SLC15A3: variants seen among roughly 807,000 people sequenced by gnomAD.
SLC15A3 encodes the protein solute carrier family 15 member 3.
SLC15A3 carries 39 observed loss-of-function variants against 49.2 expected under a neutral mutation model. The ratio of observed to expected loss-of-function variants is 0.79; its 90% CI spans 0.61 to 1.04. The LOEUF is 1.04. Among genes scored for constraint, SLC15A3 ranks in the 50% least tolerant of loss-of-function variants. The pLI, the probability that SLC15A3 is intolerant of heterozygous loss-of-function variation, is 0.00. For missense variants in SLC15A3, 758 were observed against 794.8 expected, an observed-to-expected ratio of 0.95 and a Z score of 0.56; for synonymous variants, 339 against 367.0, an observed-to-expected ratio of 0.92 and a Z score of 0.87.
In SLC15A3 at chr11:60,951,774, A is replaced by C. The variant is rs1856932448; in HGVS notation, c.-223T>G. Reference sequence around the variant, plus strand: ...CCCGGACTCTACCACCTCCTCCCTAATTCTCAACTCCCCTCTCCCTTCCCC... The same window carrying C: ...CCCGGACTCTACCACCTCCTCCCTACTTCTCAACTCCCCTCTCCCTTCCCC... On this transcript the variant is annotated 5_prime_UTR_variant, in exon 1 of 8. Coordinates refer to ENST00000227880, the MANE Select transcript of SLC15A3 (RefSeq NM_016582.3). The C allele has an allele frequency of 4.2e-5, 8 of 189,474 alleles. No homozygotes were observed. Among genetic ancestry groups the C allele is most frequent in the East Asian group, 2.4e-4 (2 of 8,196 alleles). 11.7% of individuals were successfully genotyped at this position (189,474 alleles called of 1,614,324 possible). A position where few individuals can be genotyped will look rare whatever the true frequency, so the allele number is the denominator to read the frequency against.
At chr11:60,949,775 A>G (rs1856881031) in intron 1 of SLC15A3, among the ~76,000 whole-genome samples, 1 of 152,256 alleles carries the variant, frequency 6.6e-6, no homozygotes, top group Non-Finnish European at 1.5e-5. Flanking sequence ...AACTGAGACA[A>G]GAAGAAAGTG....
At chr11:60,944,274 T>C (rs969840429) in intron 2 of SLC15A3, among the ~76,000 whole-genome samples, 1 of 152,116 alleles carries the variant, frequency 6.6e-6, no homozygotes, top group African/African-American at 2.4e-5. Context: ...TCAGCACGTC[T>C]CTGAAATCAG....
In SLC15A3 at chr11:60,951,600, C is replaced by G. The variant is rs1358439582; in HGVS notation, c.-49G>C. 3.5e-6 allele frequency: 4 copies of G among 1,132,480 alleles called. No individual in the cohort carries two copies. Among genetic ancestry groups the G allele is most frequent in the Non-Finnish European group, 1.1e-6 (1 of 923,716 alleles). 70.2% of individuals were successfully genotyped at this position (1,132,480 alleles called of 1,614,324 possible). A position where few individuals can be genotyped will look rare whatever the true frequency, so the allele number is the denominator to read the frequency against. On this transcript the variant is annotated 5_prime_UTR_variant, in exon 1 of 8. Coordinates refer to ENST00000227880, the MANE Select transcript of SLC15A3 (RefSeq NM_016582.3). ...GCGGCTCTTCTCTCCTCTCCTCTCCCCGCCTCAGAGCCCTGCACTCCTGCC... is the reference window on the plus strand; with the variant it reads ...GCGGCTCTTCTCTCCTCTCCTCTCCGCGCCTCAGAGCCCTGCACTCCTGCC...
intron 1 of SLC15A3, among the ~76,000 whole-genome samples, chr11:60,949,186 A>C (rs1442754064): frequency 6.6e-6 from 1 of 151,786 alleles, no homozygotes; most frequent in Non-Finnish European, 1.5e-5. Context: ...AAAATACAAA[A>C]ACTAGCCAGC....
At chr11:60,937,758 A>G in intron 7 of SLC15A3, 112 bp downstream of exon 7, 1 of 1,357,136 alleles carries the variant, frequency 7.4e-7, no homozygotes, top group South Asian at 1.5e-5. Flanking sequence ...CATTCTCCCA[A>G]GTCTAGCCCT....
At position 60,946,513 on chromosome 11, in the gene SLC15A3, A is replaced by C; in HGVS notation, c.848+19T>G. 6.5e-7 allele frequency: 1 copy of C among 1,533,482 alleles called. No individual in the cohort carries two copies. The highest frequency in any genetic ancestry group is 2.3e-5 in the East Asian group (1 of 44,118). The allele number at this position is 1,533,482 out of a possible 1,614,324, so 95.0% of individuals were successfully genotyped here. A position where few individuals can be genotyped will look rare whatever the true frequency, so the allele number is the denominator to read the frequency against. ...TTCTCCAGGCTTGGAGGCTCCCTGC[A>C]CCCAGAGCCCCTCCTTACCTGGCCG... On this transcript the variant is annotated intron_variant, in intron 2 of 7. Transcript: ENST00000227880.
intron 2 of SLC15A3, among the ~76,000 whole-genome samples, chr11:60,945,570 T>A (rs977692629): frequency 4.6e-5 from 7 of 152,362 alleles, no homozygotes; most frequent in African/African-American, 1.7e-4. Context: ...GGGGAAAGCA[T>A]GTTCTTCACC....
chr11:60,950,672 T>C (rs1856899619), intron 1 of SLC15A3, among the ~76,000 whole-genome samples: 1 of 151,478 alleles, frequency 6.6e-6, no homozygotes, highest in South Asian at 2.1e-4. Flanking sequence ...GCCCCTGTAA[T>C]CCCAGCTACT....
Position 60,937,857 on chromosome 11 carries a change from G to T in SLC15A3, c.1591+13C>A, listed in dbSNP as rs1856643703. On this transcript the variant is annotated intron_variant, in intron 7 of 7. Transcript: ENST00000227880. ...CCATCCATGTCCCACTCCTGGGGAGGCCCCATACTCACCAAAGTCCTTGGG... is the reference window on the plus strand; with the variant it reads ...CCATCCATGTCCCACTCCTGGGGAGTCCCCATACTCACCAAAGTCCTTGGG... 5 of 1,613,130 alleles carry T rather than the reference G, an allele frequency of 3.1e-6. No homozygotes were observed. The highest frequency in any genetic ancestry group is 4.2e-6 in the Non-Finnish European group (5 of 1,179,522).
chr11:60,938,108 C>A, intron 6 of SLC15A3, 83 bp from the exon 7 acceptor site: 1 of 1,473,046 alleles, frequency 6.8e-7, no homozygotes. Flanking sequence ...TGCCCCTGAC[C>A]CTGCCCCCAC....
intron 5 of SLC15A3, chr11:60,939,863 C>G: frequency 1.8e-6 from 1 of 552,922 alleles, no homozygotes; most frequent in Non-Finnish European, 3.2e-6. Flanking sequence ...GTTTTGCACT[C>G]AATAACACTA....
chr11:60,940,825 C>T (rs1590636770), intron 5 of SLC15A3: 2 of 232,530 alleles, frequency 8.6e-6, no homozygotes, highest in African/African-American at 2.3e-5. Flanking sequence ...GGCCCACGTG[C>T]ATGTTCATAG....
Position 60,943,399 on chromosome 11 carries a change from T to G in SLC15A3, c.996+290A>C, listed in dbSNP as rs78338520. Reference sequence around the variant, plus strand: ...AACAGGCCCAGAGAGATGAGGTGACTTATTCAAGGACCTAGCCTGGCACAA... The same window carrying G: ...AACAGGCCCAGAGAGATGAGGTGACGTATTCAAGGACCTAGCCTGGCACAA... On this transcript the variant is annotated intron_variant, in intron 3 of 7. Coordinates refer to ENST00000227880, the MANE Select transcript of SLC15A3 (RefSeq NM_016582.3). 1.6e-4 allele frequency: 37 copies of G among 233,348 alleles called. No homozygotes were observed. The East Asian group carries it at 3.0e-3, about 19-fold the overall frequency. 14.5% of individuals were successfully genotyped at this position (233,348 alleles called of 1,614,324 possible).
chr11:60,946,705 G>A lies in SLC15A3; in HGVS notation c.675C>T (p.Ser225=). 1.2e-6 allele frequency: 2 copies of A among 1,614,240 alleles called. No individual in the cohort carries two copies. The highest frequency in any genetic ancestry group is 1.7e-6 in the Non-Finnish European group (2 of 1,180,052). ...LVVAFIQQNI[S]FLLGYSIPVG... is the part of the protein sequence containing the mutation. ...CAGGGATGCTGTAGCCCAGCAGGAA[G>A]CTGATGTTCTGCTGAATAAACGCCA... The change falls in exon 2 of 8, where the codon AGC becomes AGT. Residue 225 remains serine, a synonymous_variant. Coordinates refer to ENST00000227880, the MANE Select transcript of SLC15A3 (RefSeq NM_016582.3).
In SLC15A3 at chr11:60,952,035, C is replaced by T. The variant is rs76126160; in HGVS notation, c.-484G>A. Among the ~76,000 whole-genome samples, 1,700 of 151,988 alleles carry T rather than the reference C, an allele frequency of 0.011. 38 individuals are homozygous for T. The highest frequency in any genetic ancestry group is 0.039 in the African/African-American group (1,617 of 41,442). On this transcript the variant is annotated 5_prime_UTR_variant, in exon 1 of 8. Coordinates refer to ENST00000227880, the MANE Select transcript of SLC15A3 (RefSeq NM_016582.3). ...CGTGGGGTGGGGGCTCCCTCTGCCCCAGTCACCCTGCTGCCCCTTGCCGTC... is the reference window on the plus strand; with the variant it reads ...CGTGGGGTGGGGGCTCCCTCTGCCCTAGTCACCCTGCTGCCCCTTGCCGTC...
intron 6 of SLC15A3, among the ~76,000 whole-genome samples, chr11:60,939,230 G>T (rs950682701): frequency 2.0e-5 from 3 of 152,214 alleles, no homozygotes; most frequent in African/African-American, 7.2e-5. Context: ...GGCACCAGGG[G>T]AATACGTGGA....
intron 5 of SLC15A3, chr11:60,939,956 A>G (rs562274913): frequency 3.5e-6 from 1 of 282,446 alleles, no homozygotes; most frequent in East Asian, 7.5e-5. Context: ...AATAACTAGC[A>G]CTTTCAAGTG....
chr11:60,951,888 A>ACTC lies in SLC15A3; in HGVS notation c.-340_-338dup, dbSNP rs78474502. Reference sequence around the variant, plus strand: ...TCCCTCCACCTTGACCCTTCCTCGCACTCTTGTTCACACTGCGACCCTCCC... The same window carrying ACTC: ...TCCCTCCACCTTGACCCTTCCTCGCACTCCTCTTGTTCACACTGCGACCCTCCC... On this transcript the variant is annotated 5_prime_UTR_variant, in exon 1 of 8. Coordinates refer to ENST00000227880, the MANE Select transcript of SLC15A3 (RefSeq NM_016582.3). The ACTC allele has an allele frequency of 0.22, 31,495 of 142,322 alleles. 4,112 individuals are homozygous for ACTC. The highest frequency in any genetic ancestry group is 0.61 in the East Asian group (3,041 of 4,970). 8.8% of individuals were successfully genotyped at this position (142,322 alleles called of 1,614,324 possible).
Position 60,951,692 on chromosome 11 carries a change from T to G in SLC15A3, c.-141A>C. 3 of 512,304 alleles carry G rather than the reference T, an allele frequency of 5.9e-6. No homozygotes were observed. Among genetic ancestry groups the G allele is most frequent in the Non-Finnish European group, 7.4e-6 (3 of 407,666 alleles). The allele number at this position is 512,304 out of a possible 1,614,324, so 31.7% of individuals were successfully genotyped here. On this transcript the variant is annotated 5_prime_UTR_variant, in exon 1 of 8. Coordinates refer to ENST00000227880, the MANE Select transcript of SLC15A3 (RefSeq NM_016582.3). ...CCTTTCTCACCGCTTTGGCCCACCC[T>G]TCCCTCCTGTCCCCTCTCCCTTTCT...
Sources: allele counts gnomAD v4.1 joint callset (sites outside exome capture counted in the v4.1 genomes callset), GRCh38; gene constraint gnomAD v4.1.1; transcripts MANE v1.5; gene names NCBI Gene and HGNC (gene_info 2026-07-23, HGNC 2026-07-21).